PHAF1: variants seen among roughly 807,000 people sequenced by gnomAD.
The protein encoded by PHAF1 is phagophore assembly factor 1, also known as phagosome assembly factor 1.
PHAF1 carries 23 observed loss-of-function variants against 63.1 expected under a neutral mutation model. The ratio of observed to expected loss-of-function variants is 0.36; its 90% confidence interval spans 0.26 to 0.52. The LOEUF (loss-of-function observed/expected upper bound fraction) is 0.52, where lower values mean the gene tolerates loss of function less well. Among genes scored for constraint, PHAF1 ranks in the 20% least tolerant of loss-of-function variants. The pLI is 0.93. For missense variants in PHAF1, 427 were observed against 517.2 expected (o/e 0.83, Z 1.69); for synonymous variants, 167 against 185.0 (o/e 0.90, Z 0.79).
At chr16:67,127,899 C>G (rs1255215021) in intron 3 of PHAF1, among the ~76,000 whole-genome samples, 2 of 152,086 alleles carry the variant, frequency 1.3e-5, no homozygotes, top group Non-Finnish European at 2.9e-5. Context: ...AAAATGTAAC[C>G]CAGAAACACT....
At position 67,140,632 on chromosome 16, in the gene PHAF1, T is replaced by C. The variant is rs748025550; in HGVS notation, c.879+38T>C. 4.9e-6 allele frequency: 7 copies of C among 1,439,260 alleles called. No homozygotes were observed. The South Asian group carries it at 5.7e-5, about 12-fold the overall frequency. The allele number at this position is 1,439,260 out of a possible 1,614,324, so 89.2% of individuals were successfully genotyped here. Reference sequence around the variant, plus strand: ...TCCTCAGAGAAGCCCTTCATTTCTATTGGGGTGGGCAGTGCATCTTTGCAG... The same window carrying C: ...TCCTCAGAGAAGCCCTTCATTTCTACTGGGGTGGGCAGTGCATCTTTGCAG... On this transcript the variant is annotated intron_variant, in intron 10 of 15. Coordinates refer to ENST00000219139, the MANE Select transcript of PHAF1 (RefSeq NM_025187.5).
At chr16:67,144,244 C>T (rs1239776352) in intron 10 of PHAF1, 50 bp from the exon 11 acceptor site, 1 of 1,404,674 alleles carries the variant, frequency 7.1e-7, no homozygotes, top group East Asian at 2.3e-5. Context: ...AAGGCCTCTG[C>T]CCTGCCTCAG....
chr16:67,144,162 A>G, intron 10 of PHAF1, 132 bp from the exon 11 acceptor site: 1 of 650,084 alleles, frequency 1.5e-6, no homozygotes, highest in Non-Finnish European at 2.8e-6. Context: ...TGTTGTCTGG[A>G]AGAAAGGTGA....
intron 8 of PHAF1, chr16:67,135,028 C>T (rs1414688653): frequency 1.1e-5 from 3 of 265,866 alleles, no homozygotes; most frequent in Non-Finnish European, 2.2e-5. Flanking sequence ...AACAGCACTG[C>T]TTCTCTCAGC....
At chr16:67,137,770 A>G (rs1278036777) in intron 8 of PHAF1, among the ~76,000 whole-genome samples, 1 of 152,154 alleles carries the variant, frequency 6.6e-6, no homozygotes, top group African/African-American at 2.4e-5. Context: ...GAGCCTGTCG[A>G]GGGTGGGCTC....
rs1445964163 is a variant in PHAF1, at chr16:67,147,884, C to T, written c.*753C>T. The T allele has an allele frequency of 6.5e-6, 1 of 152,740 alleles. No homozygotes were observed. Among genetic ancestry groups the T allele is most frequent in the Non-Finnish European group, 1.5e-5 (1 of 68,100 alleles). The allele number at this position is 152,740 out of a possible 1,614,324, so 9.5% of individuals were successfully genotyped here. On this transcript the variant is annotated 3_prime_UTR_variant, in exon 16 of 16. Transcript: ENST00000219139. ...AGTTTTAGCCAAAGACATCTTCCTA[C>T]TTTTGTTGTGTTTCAGCATTCTGTT...
At chr16:67,123,659 C>T (rs1273460339) in intron 2 of PHAF1, among the ~76,000 whole-genome samples, 3 of 152,102 alleles carry the variant, frequency 2.0e-5, no homozygotes, top group Admixed American at 6.6e-5. Flanking sequence ...CCGCCTGCCA[C>T]GACCTCCCAA....
chr16:67,136,445 C>T (rs148569115), intron 8 of PHAF1: 2 of 150,762 alleles, frequency 1.3e-5, no homozygotes, highest in African/African-American at 2.4e-5. Flanking sequence ...GGAGCTTCAG[C>T]GTGGAGTTTG....
In PHAF1 at chr16:67,146,268, T is replaced by C. The variant is rs7184692; in HGVS notation, c.1110-10T>C. ...GTCTGCCTCTCTAATTCTGAATTCT[T>C]TGGCCTCAGGTCTTCCTCCCCAAAC... is the stretch of plus-strand genomic sequence containing the variant. On this transcript the variant is annotated splice_polypyrimidine_tract_variant and intron_variant, in intron 14 of 15. Transcript: ENST00000219139. The C allele has an allele frequency of 0.11, 182,214 of 1,611,608 alleles. 26,072 individuals are homozygous for C. Among genetic ancestry groups the C allele is most frequent in the African/African-American group, 0.72 (53,899 of 74,800 alleles).
Position 67,140,379 on chromosome 16 carries a change from C to G in PHAF1, c.796-132C>G, listed in dbSNP as rs549555024. On this transcript the variant is annotated intron_variant, in intron 9 of 15. Transcript: ENST00000219139. The stretch of plus-strand genomic sequence containing the variant: ...CTCCTCCTAGATTGGTCAGCACCAG[C>G]AGCTGAGACTCCCCACTCTTGCTTG... 128 of 874,748 alleles carry G rather than the reference C, an allele frequency of 1.5e-4. 1 individual carries two copies. In the East Asian group the frequency reaches 3.2e-3, roughly 22 times the overall value. 54.2% of individuals were successfully genotyped at this position (874,748 alleles called of 1,614,324 possible).
intron 14 of PHAF1, 136 bp downstream of exon 14, chr16:67,145,764 C>G: frequency 1.1e-6 from 1 of 879,524 alleles, no homozygotes; most frequent in Non-Finnish European, 1.7e-6. Flanking sequence ...ACTTCCTGCC[C>G]CACTCTGCAC....
intron 11 of PHAF1, 77 bp from the exon 12 acceptor site, chr16:67,144,757 T>C: frequency 6.7e-7 from 1 of 1,496,064 alleles, no homozygotes; most frequent in Non-Finnish European, 9.3e-7. Flanking sequence ...CTGTTTCTCC[T>C]GGGGTGTGGG....
chr16:67,139,909 G>C lies in PHAF1; in HGVS notation c.662-75G>C, dbSNP rs144494475. 19 of 1,542,096 alleles carry C rather than the reference G, an allele frequency of 1.2e-5. 1 individual carries two copies. The highest frequency in any genetic ancestry group is 3.6e-4 in the Middle Eastern group (2 of 5,606). On this transcript the variant is annotated intron_variant, in intron 8 of 15. Coordinates refer to ENST00000219139, the MANE Select transcript of PHAF1 (RefSeq NM_025187.5). ...CTAATAATGTAGCATGCAGCCAGTA[G>C]CTTCTCTGGGGCCCCCAGAGAGGGT... is the stretch of plus-strand genomic sequence containing the variant.
Position 67,148,226 on chromosome 16 carries a change from G to A in PHAF1, c.*1095G>A, listed in dbSNP as rs1293441023. 1.3e-5 allele frequency: 2 copies of A among 152,632 alleles called. No homozygotes were observed. Among genetic ancestry groups the A allele is most frequent in the African/African-American group, 2.4e-5 (1 of 41,442 alleles). 9.5% of individuals were successfully genotyped at this position (152,632 alleles called of 1,614,324 possible). Reference sequence around the variant, plus strand: ...TATGACTCTTTTGTAATTAACTCATGTACAGCCTCATCCTGTATAGTTTAA... The same window carrying A: ...TATGACTCTTTTGTAATTAACTCATATACAGCCTCATCCTGTATAGTTTAA... On this transcript the variant is annotated 3_prime_UTR_variant, in exon 16 of 16. Coordinates refer to ENST00000219139, the MANE Select transcript of PHAF1 (RefSeq NM_025187.5).
intron 14 of PHAF1, 113 bp from the exon 15 acceptor site, chr16:67,146,165 C>A: frequency 1.0e-6 from 1 of 961,686 alleles, no homozygotes; most frequent in Non-Finnish European, 1.7e-6. Context: ...GACAGACACT[C>A]ACAGCCATGA....
rs182635625 is a variant in PHAF1 at position 67,132,509 on chromosome 16, C to T, written c.339C>T (p.Gly113=). 5.2e-5 allele frequency: 84 copies of T among 1,614,034 alleles called. 1 individual carries two copies. In the Admixed American group the frequency reaches 6.2e-4, roughly 12 times the overall value. ...TTGAACAGATTGACCAGTCTTTTGG[C>T]GCAACCCATCCTGGAGGTAAGCCAA... ...PTIEQIDQSF[G]ATHPGVYNSA... is the part of the protein sequence containing the mutation. Residue 113 remains glycine (G), a synonymous_variant, in exon 5 of 16, where the codon GGC becomes GGT. Coordinates refer to ENST00000219139, the MANE Select transcript of PHAF1 (RefSeq NM_025187.5).
intron 2 of PHAF1, 78 bp from the exon 3 acceptor site, chr16:67,125,881 A>G: frequency 9.7e-7 from 1 of 1,035,966 alleles, no homozygotes; most frequent in Non-Finnish European, 1.5e-6. Context: ...TGTGTGTTGC[A>G]TTTGTATTGT....
rs200867752 is a variant in PHAF1 at position 67,142,986 on chromosome 16, G to T, written c.880-1308G>T. Among the ~76,000 whole-genome samples, 11 of 152,294 alleles carry T rather than the reference G, an allele frequency of 7.2e-5. No individual in the cohort carries two copies. The East Asian group carries it at 1.4e-3, about 19-fold the overall frequency. Reference sequence around the variant, plus strand: ...GCCTCAGTAGGACTTAGTTGGCTGTGGGTACAGGGGTAGAGTCAGAGGTTA... The same window carrying T: ...GCCTCAGTAGGACTTAGTTGGCTGTTGGTACAGGGGTAGAGTCAGAGGTTA... On this transcript the variant is annotated intron_variant, in intron 10 of 15. Transcript: ENST00000219139.
intron 2 of PHAF1, among the ~76,000 whole-genome samples, chr16:67,125,636 A>G (rs960640385): frequency 6.6e-6 from 1 of 152,182 alleles, no homozygotes; most frequent in African/African-American, 2.4e-5. Context: ...CATTTTGCAG[A>G]TGTGGACCCT....
Sources: gnomAD v4.1 joint callset for allele counts (sites outside exome capture counted in the v4.1 genomes callset) on GRCh38, gnomAD v4.1.1 for gene constraint, MANE v1.5 for transcripts, NCBI Gene and HGNC (gene_info 2026-07-23, HGNC 2026-07-21) for gene names.